Variants in SORCS3 observed in about 807,000 individuals in gnomAD.
SORCS3 encodes the protein sortilin related VPS10 domain containing receptor 3, also known as VPS10 domain-containing receptor SorCS3.
A neutral mutation model predicts 146.3 loss-of-function variants in SORCS3; 57 were observed. That is an observed-to-expected ratio of 0.39 (90% CI 0.31 to 0.49). SORCS3 has a LOEUF of 0.49. SORCS3 is among the 20% of genes least tolerant of loss of function. SORCS3 has a pLI of 0.92. For synonymous variants in SORCS3, 653 were observed against 618.5 expected (o/e 1.06, Z -0.83); for missense variants, 1,341 against 1,575.5 (o/e 0.85, Z 2.52).
chr10:104,868,607 G>A (rs1047217380), intron 2 of SORCS3, among the ~76,000 whole-genome samples: 2 of 152,210 alleles, frequency 1.3e-5, no homozygotes, highest in Non-Finnish European at 2.9e-5. Flanking sequence ...TGGCATCTCA[G>A]CCAGTGGCAG....
At chr10:104,725,768 G>T (rs1032879704) in intron 1 of SORCS3, among the ~76,000 whole-genome samples, 1 of 152,214 alleles carries the variant, frequency 6.6e-6, no homozygotes, top group African/African-American at 2.4e-5. Flanking sequence ...CATAGGACCC[G>T]CTGAGCCATG....
At chr10:105,017,528 A>C (rs2055175327) in intron 4 of SORCS3, among the ~76,000 whole-genome samples, 1 of 152,234 alleles carries the variant, frequency 6.6e-6, no homozygotes, top group Non-Finnish European at 1.5e-5. Flanking sequence ...GTCTAAAAAA[A>C]TGGGGAGGCA....
chr10:104,876,438 G>T (rs1174564955), intron 2 of SORCS3, among the ~76,000 whole-genome samples: 1 of 152,168 alleles, frequency 6.6e-6, no homozygotes, highest in African/African-American at 2.4e-5. Context: ...GAAGCACAGA[G>T]GTTGTCTGGC....
At chr10:104,784,942 G>A (rs992090732) in intron 1 of SORCS3, among the ~76,000 whole-genome samples, 3 of 152,178 alleles carry the variant, frequency 2.0e-5, no homozygotes, top group Non-Finnish European at 2.9e-5. Context: ...ATCCTGGCCC[G>A]TTCTCAATGA....
At chr10:104,995,146 TTTTC>T (rs1159859579) in intron 4 of SORCS3, among the ~76,000 whole-genome samples, 8 of 150,886 alleles carry the variant, frequency 5.3e-5, no homozygotes, top group South Asian at 2.1e-4. Context: ...TTTTCTTTTC[TTTTC>T]TTTCTTTCTT....
chr10:105,152,471 T>C (rs938721154), intron 9 of SORCS3, among the ~76,000 whole-genome samples: 1 of 152,234 alleles, frequency 6.6e-6, no homozygotes, highest in African/African-American at 2.4e-5. Flanking sequence ...AAATCCTGGA[T>C]GTATTTTACA....
At chr10:104,726,329 C>T (rs1355617885) in intron 1 of SORCS3, among the ~76,000 whole-genome samples, 4 of 152,140 alleles carry the variant, frequency 2.6e-5, no homozygotes, top group African/African-American at 7.2e-5. Context: ...GGCCTTTCTT[C>T]CTATGAGGGC....
chr10:104,696,224 ATAAT>A (rs2133426286), intron 1 of SORCS3, among the ~76,000 whole-genome samples: 3 of 127,258 alleles, frequency 2.4e-5, no homozygotes, highest in African/African-American at 9.2e-5. Context: ...ATACACATAT[ATAAT>A]ATATATCATA....
At chr10:104,689,345 CTCT>C (rs1411474317) in intron 1 of SORCS3, among the ~76,000 whole-genome samples, 2 of 151,964 alleles carry the variant, frequency 1.3e-5, no homozygotes, top group African/African-American at 4.9e-5. Context: ...AGGACTCTTA[CTCT>C]TAAGTTCTGC....
chr10:105,119,011 G>A (rs2055912426), intron 7 of SORCS3, among the ~76,000 whole-genome samples: 1 of 152,166 alleles, frequency 6.6e-6, no homozygotes, highest in African/African-American at 2.4e-5. Context: ...ATGTCTCCAG[G>A]GCACATCAGA....
intron 1 of SORCS3, among the ~76,000 whole-genome samples, chr10:104,737,728 C>T (rs1321584051): frequency 1.3e-5 from 2 of 151,802 alleles, no homozygotes; most frequent in Non-Finnish European, 2.9e-5. Context: ...TGTGGGTTGC[C>T]TGTTCACTCT....
At position 105,043,142 on chromosome 10, in the gene SORCS3, A is replaced by C; in HGVS notation, c.1028+14A>C. ...CAGGTTTTATTGGTAAGCCCTATCC[A>C]CACACTCATTACTTCTTAGATAAAG... On this transcript the variant is annotated intron_variant, in intron 5 of 26. Coordinates refer to ENST00000369701, the MANE Select transcript of SORCS3 (RefSeq NM_014978.3). The C allele has an allele frequency of 6.2e-7, 1 of 1,608,538 alleles. No homozygotes were observed. The highest frequency in any genetic ancestry group is 8.5e-7 in the Non-Finnish European group (1 of 1,175,002).
chr10:104,800,242 T>A (rs1171052511), intron 1 of SORCS3, among the ~76,000 whole-genome samples: 1 of 115,606 alleles, frequency 8.7e-6, no homozygotes. Flanking sequence ...CCATATGATT[T>A]CATATATATA....
In SORCS3 at chr10:104,799,562, G is replaced by A. The variant is rs558997707; in HGVS notation, c.628-43230G>A. ...CCTGTTGGGGGTTGGGGGGCTAGGGGAGGGATAACATCAGGAGAGATACCT... is the reference window on the plus strand; with the variant it reads ...CCTGTTGGGGGTTGGGGGGCTAGGGAAGGGATAACATCAGGAGAGATACCT... On this transcript the variant is annotated intron_variant, in intron 1 of 26. Coordinates refer to ENST00000369701, the MANE Select transcript of SORCS3 (RefSeq NM_014978.3). Among the ~76,000 whole-genome samples, 12 of 152,192 alleles carry A rather than the reference G, an allele frequency of 7.9e-5. No homozygotes were observed. In the South Asian group the frequency reaches 2.5e-3, roughly 32 times the overall value.
intron 1 of SORCS3, among the ~76,000 whole-genome samples, chr10:104,688,373 G>A (rs1019442953): frequency 1.3e-5 from 2 of 152,236 alleles, no homozygotes; most frequent in African/African-American, 4.8e-5. Context: ...CAGTTGGAGG[G>A]GGGGACCCAG....
intron 7 of SORCS3, among the ~76,000 whole-genome samples, chr10:105,110,377 A>G (rs2055851564): frequency 6.6e-6 from 1 of 152,012 alleles, no homozygotes; most frequent in Non-Finnish European, 1.5e-5. Context: ...TTTATTCCAT[A>G]TCTGTTATTT....
intron 2 of SORCS3, among the ~76,000 whole-genome samples, chr10:104,861,287 C>A (rs932370259): frequency 2.0e-5 from 3 of 152,176 alleles, no homozygotes; most frequent in African/African-American, 7.2e-5. Flanking sequence ...CCCATACCAC[C>A]TGGATTTGAA....
chr10:104,794,524 A>T (rs1428360677), intron 1 of SORCS3, among the ~76,000 whole-genome samples: 1 of 151,746 alleles, frequency 6.6e-6, no homozygotes, highest in Non-Finnish European at 1.5e-5. Context: ...GGGGAAATGG[A>T]CCAGAAGAGC....
intron 4 of SORCS3, among the ~76,000 whole-genome samples, chr10:105,039,319 C>T (rs372716866): frequency 1.1e-4 from 17 of 152,168 alleles, no homozygotes; most frequent in Middle Eastern, 3.4e-3. Flanking sequence ...CAATCAGCCT[C>T]CAGGAGGATA....
Sources: gnomAD v4.1 joint callset for allele counts (sites outside exome capture counted in the v4.1 genomes callset) on GRCh38, gnomAD v4.1.1 for gene constraint, MANE v1.5 for transcripts, NCBI Gene and HGNC (gene_info 2026-07-23, HGNC 2026-07-21) for gene names.